The following DNAH6 variants were observed in gnomAD, a reference collection of about 807,000 sequenced individuals.
DNAH6 encodes the protein axonemal beta dynein heavy chain 6.
A neutral mutation model predicts 491.4 loss-of-function variants in DNAH6; 340 were observed. The observed-to-expected ratio is 0.69, with a 90% CI of 0.63 to 0.76. DNAH6 has a LOEUF of 0.76. Among genes scored for constraint, DNAH6 ranks in the 30% least tolerant of loss-of-function variants. The probability of loss-of-function intolerance (pLI) is 0.00; values close to 1 mark genes in which losing one functional copy is unlikely to be tolerated. For synonymous variants in DNAH6, 1,603 were observed against 1,686.1 expected, an observed-to-expected ratio of 0.95 and a Z score of 1.21; for missense variants, 4,443 against 4,972.2, an observed-to-expected ratio of 0.89 and a Z score of 3.20.
chr2:84,469,549 A>G, the DNAH6 span, among the ~76,000 whole-genome samples: 1 of 152,184 alleles, frequency 6.6e-6, no homozygotes, highest in Non-Finnish European at 1.5e-5. This position sits in a 1 kb window ranked among gnomAD's most constrained non-coding sequence, Gnocchi z 4.0. Flanking sequence ...AGAAAAGTAG[A>G]GAAGTAAAGT....
chr2:84,740,428 A>T (rs1328848208), intron 62 of DNAH6, among the ~76,000 whole-genome samples: 1 of 152,188 alleles, frequency 6.6e-6, no homozygotes, highest in Non-Finnish European at 1.5e-5. Flanking sequence ...CAAAGTGAAG[A>T]GTCACTTCCA....
chr2:84,698,848 A>G (rs1382533938), intron 47 of DNAH6, among the ~76,000 whole-genome samples: 1 of 152,232 alleles, frequency 6.6e-6, no homozygotes, highest in African/African-American at 2.4e-5. Flanking sequence ...ATGGAATACT[A>G]CACAGCCATT....
intron 33 of DNAH6, among the ~76,000 whole-genome samples, chr2:84,650,896 T>C: frequency 6.6e-6 from 1 of 152,336 alleles, no homozygotes; most frequent in Middle Eastern, 3.4e-3. Flanking sequence ...CTAGATCTTA[T>C]TTAAACTTAT....
the DNAH6 span, among the ~76,000 whole-genome samples, chr2:84,505,290 T>C: frequency 6.6e-6 from 1 of 152,188 alleles, no homozygotes; most frequent in East Asian, 1.9e-4. Flanking sequence ...ATTTGATCTA[T>C]GAATACAGAT....
At chr2:84,493,676 A>C in the DNAH6 span, among the ~76,000 whole-genome samples, 1 of 152,170 alleles carries the variant, frequency 6.6e-6, no homozygotes, top group Non-Finnish European at 1.5e-5. Context: ...TATGTAAATG[A>C]GTCATCACTG....
chr2:84,764,552 C>T lies in DNAH6; in HGVS notation c.10703+1607C>T, dbSNP rs572862354. ...ATTATTTGGCAGTATATATTAAAGT[C>T]GGAGGGCATCTTCAATAGCTCAACA... On this transcript the variant is annotated intron_variant, in intron 64 of 76. Coordinates refer to ENST00000389394, the MANE Select transcript of DNAH6 (RefSeq NM_001370.2). Among the ~76,000 whole-genome samples, 10 of 152,198 alleles carry T rather than the reference C, an allele frequency of 6.6e-5. No homozygotes were observed. In the South Asian group the frequency reaches 1.7e-3, roughly 25 times the overall value.
intron 49 of DNAH6, 39 bp downstream of exon 49, chr2:84,701,378 G>T: frequency 6.5e-7 from 1 of 1,529,470 alleles, no homozygotes; most frequent in South Asian, 1.2e-5. Flanking sequence ...TGTTTTGCTT[G>T]AACTCAGAAC....
In DNAH6 at chr2:84,616,886, G is replaced by T; in HGVS notation, c.3476G>T (p.Gly1159Val). Residue 1159 changes from glycine (G) to valine (V), a missense_variant and splice_region_variant, in exon 23 of 77, where the codon GGA becomes GTA. Physicochemically the swap from Gly to Val is moderately radical, Grantham distance 109. Transcript: ENST00000389394. ...AATACTATTTTTTTTTAATGAACAG[G>T]ACTTCTGGAAACTTTTCAAAACAAT... The part of the protein sequence containing the change: ...PNALRAATQP[G>V]LLETFQNNNA... The T allele has an allele frequency of 6.9e-7, 1 of 1,453,306 alleles. No homozygotes were observed. Among genetic ancestry groups the T allele is most frequent in the Non-Finnish European group, 9.1e-7 (1 of 1,104,354 alleles). 90.0% of individuals were successfully genotyped at this position (1,453,306 alleles called of 1,614,324 possible). A position where few individuals can be genotyped will look rare whatever the true frequency, so the allele number is the denominator to read the frequency against.
At chr2:84,797,051 A>G (rs915359225) in intron 69 of DNAH6, among the ~76,000 whole-genome samples, 1 of 141,868 alleles carries the variant, frequency 7.0e-6, no homozygotes, top group African/African-American at 2.9e-5. Flanking sequence ...ATAGAGCATC[A>G]GTCAGAGCTG....
At chr2:84,651,690 T>A (rs1026786170) in intron 33 of DNAH6, among the ~76,000 whole-genome samples, 1 of 152,146 alleles carries the variant, frequency 6.6e-6, no homozygotes, top group African/African-American at 2.4e-5. Context: ...GTGTTATTGC[T>A]TGCATCTTAA....
intron 61 of DNAH6, among the ~76,000 whole-genome samples, chr2:84,732,325 AGCT>A (rs1191915307): frequency 6.6e-6 from 1 of 152,214 alleles, no homozygotes; most frequent in Non-Finnish European, 1.5e-5. Context: ...CTGCACAAAA[AGCT>A]GGACACAAAT....
intron 63 of DNAH6, among the ~76,000 whole-genome samples, chr2:84,746,662 A>T (rs1673001971): frequency 6.6e-6 from 1 of 152,196 alleles, no homozygotes; most frequent in Admixed American, 6.5e-5. Flanking sequence ...GGAGGTGTTG[A>T]TGCTATGTTG....
chr2:84,762,001 A>G (rs1573732767), intron 63 of DNAH6, among the ~76,000 whole-genome samples: 1 of 152,154 alleles, frequency 6.6e-6, no homozygotes, highest in East Asian at 1.9e-4. Context: ...AAGTCCCTTG[A>G]AGAGGAGACA....
the DNAH6 span, among the ~76,000 whole-genome samples, chr2:84,475,677 C>G: frequency 4.1e-4 from 62 of 152,188 alleles, no homozygotes; most frequent in Non-Finnish European, 7.9e-4. Flanking sequence ...TCTTCCCTCT[C>G]AGGGGTCTAA....
intron 18 of DNAH6, among the ~76,000 whole-genome samples, chr2:84,599,837 A>G (rs1558777053): frequency 1.3e-5 from 2 of 152,176 alleles, no homozygotes; most frequent in South Asian, 4.1e-4. Flanking sequence ...TATTTTGTCT[A>G]TTCTAATTCC....
chr2:84,500,878 A>G, the DNAH6 span, among the ~76,000 whole-genome samples: 2 of 152,136 alleles, frequency 1.3e-5, no homozygotes, highest in African/African-American at 4.8e-5. Context: ...TGATTTTTGT[A>G]TCCTGCAACT....
chr2:84,651,223 A>G (rs947566975), intron 33 of DNAH6, among the ~76,000 whole-genome samples: 1 of 152,184 alleles, frequency 6.6e-6, no homozygotes, highest in African/African-American at 2.4e-5. Flanking sequence ...GTCAGAGAGC[A>G]GAAGGGGTGC....
Position 84,718,265 on chromosome 2 carries a change from A to T in DNAH6, c.9673A>T (p.Ile3225Phe), listed in dbSNP as rs1697742040. The change falls in exon 59 of 77, where the codon ATC becomes TTC. Residue 3225 changes from isoleucine (I) to phenylalanine (F), a missense_variant. By Grantham distance (21) the Ile-to-Phe change is conservative. This residue lies in a region of DNAH6 where 1,463 missense variants were observed against 1,656.6 expected (regional missense o/e 0.88). Coordinates refer to ENST00000389394, the MANE Select transcript of DNAH6 (RefSeq NM_001370.2). The part of the protein sequence containing the change: ...EEQRIKLIVR[I>F]NTDKNQLKTI... The stretch of plus-strand genomic sequence containing the variant: ...ACAAAGAATTAAGCTCATCGTGAGG[A>T]TCAACACTGATAAAAACCAGTTGAA... The T allele has an allele frequency of 6.4e-7, 1 of 1,551,170 alleles. No individual in the cohort carries two copies. Among genetic ancestry groups the T allele is most frequent in the Non-Finnish European group, 8.7e-7 (1 of 1,146,888 alleles).
chr2:84,638,909 G>A (rs1689120931), intron 31 of DNAH6, among the ~76,000 whole-genome samples: 1 of 152,046 alleles, frequency 6.6e-6, no homozygotes, highest in Non-Finnish European at 1.5e-5. Context: ...AAGAGTGGGT[G>A]AGGGGGTGCC....
Sources: gnomAD v4.1 joint callset for allele counts (sites outside exome capture counted in the v4.1 genomes callset) on GRCh38, gnomAD v4.1.1 for gene constraint, gnomAD v4.1.1 regional missense constraint, Gnocchi (gnomAD v3.1) non-coding constraint, MANE v1.5 for transcripts, NCBI Gene and HGNC (gene_info 2026-07-23, HGNC 2026-07-21) for gene names.